The following COLGALT2 variants were observed in gnomAD, a reference collection of about 807,000 sequenced individuals.
COLGALT2 encodes the protein procollagen galactosyltransferase 2.
COLGALT2 carries 49 observed loss-of-function variants against 73.4 expected under a neutral mutation model. The observed-to-expected ratio is 0.67, with a 90% CI of 0.53 to 0.85. The LOEUF (loss-of-function observed/expected upper bound fraction) is 0.85. Ranked by LOEUF, COLGALT2 falls within the 40% of genes least tolerant of loss-of-function variation. The pLI, the probability that COLGALT2 is intolerant of heterozygous loss-of-function variation, is 0.00. For missense variants in COLGALT2, 722 were observed against 790.2 expected, an observed-to-expected ratio of 0.91 and a Z score of 1.03; for synonymous variants, 295 against 307.6, an observed-to-expected ratio of 0.96 and a Z score of 0.43.
At chr1:183,997,048 C>T (rs1412559481) in intron 1 of COLGALT2, among the ~76,000 whole-genome samples, 1 of 152,094 alleles carries the variant, frequency 6.6e-6, no homozygotes, top group Non-Finnish European at 1.5e-5. Context: ...CAGGGGCAGG[C>T]AGTGTAAAAA....
chr1:183,951,118 T>C lies in COLGALT2; in HGVS notation c.1030-5A>G. ...TTTGAGGTTTATCATGAAAATCTAATGCAAGAAGGAAAAGGGAAAAGACAC... is the reference window on the plus strand; with the variant it reads ...TTTGAGGTTTATCATGAAAATCTAACGCAAGAAGGAAAAGGGAAAAGACAC... On this transcript the variant is annotated splice_polypyrimidine_tract_variant and splice_region_variant and intron_variant, in intron 7 of 11. Coordinates refer to ENST00000361927, the MANE Select transcript of COLGALT2 (RefSeq NM_015101.4). The C allele has an allele frequency of 1.2e-6, 2 of 1,603,546 alleles. No individual in the cohort carries two copies. The highest frequency in any genetic ancestry group is 1.7e-6 in the Non-Finnish European group (2 of 1,170,446).
intron 1 of COLGALT2, among the ~76,000 whole-genome samples, chr1:183,990,234 C>T (rs568369898): frequency 6.6e-6 from 1 of 152,338 alleles, no homozygotes; most frequent in African/African-American, 2.4e-5. Flanking sequence ...CTTCTGTTTA[C>T]TCCTCCATTC....
At chr1:184,034,288 T>C (rs1649605131) in intron 1 of COLGALT2, among the ~76,000 whole-genome samples, 1 of 151,934 alleles carries the variant, frequency 6.6e-6, no homozygotes, top group Non-Finnish European at 1.5e-5. Context: ...CTTTTTTTTT[T>C]TTTTTGCTTG....
intron 1 of COLGALT2, among the ~76,000 whole-genome samples, chr1:184,029,882 G>A (rs963671360): frequency 4.6e-5 from 7 of 152,120 alleles, no homozygotes; most frequent in African/African-American, 1.7e-4. Flanking sequence ...TAAAGAACAT[G>A]GGATAGAGAG....
At chr1:183,950,512 T>C (rs1444617345) in intron 8 of COLGALT2, among the ~76,000 whole-genome samples, 1 of 151,182 alleles carries the variant, frequency 6.6e-6, no homozygotes, top group Non-Finnish European at 1.5e-5. Context: ...CTAGGTTCCC[T>C]GTGTTACTTT....
At chr1:183,973,441 T>C (rs1671104021) in intron 4 of COLGALT2, among the ~76,000 whole-genome samples, 175 bp downstream of exon 4, 1 of 152,192 alleles carries the variant, frequency 6.6e-6, no homozygotes, top group Non-Finnish European at 1.5e-5. Context: ...AGAGCCCAAC[T>C]GGGTGTAGCA....
chr1:184,035,863 C>A (rs1217103983), intron 1 of COLGALT2, among the ~76,000 whole-genome samples: 6 of 152,208 alleles, frequency 3.9e-5, no homozygotes, highest in African/African-American at 1.4e-4. Context: ...CAGGCGGTCA[C>A]GTATGGCAGG....
At chr1:183,988,179 C>G (rs4011680) in intron 1 of COLGALT2, among the ~76,000 whole-genome samples, 64,122 of 152,016 alleles carry the variant, frequency 0.42, 17,590 homozygotes, top group African/African-American at 0.77. Flanking sequence ...CAAGATGTAA[C>G]TAATTCTCTC....
chr1:183,949,275 T>C (rs1670331561), intron 8 of COLGALT2, among the ~76,000 whole-genome samples: 2 of 152,084 alleles, frequency 1.3e-5, no homozygotes, highest in African/African-American at 2.4e-5. Flanking sequence ...GGACCCAGAA[T>C]AGCTGAGACA....
In COLGALT2 at chr1:184,037,427, G is replaced by A; in HGVS notation, c.-70C>T. 1 of 1,268,650 alleles carries A rather than the reference G, an allele frequency of 7.9e-7. No homozygotes were observed. The highest frequency in any genetic ancestry group is 9.9e-7 in the Non-Finnish European group (1 of 1,010,674). 78.6% of individuals were successfully genotyped at this position (1,268,650 alleles called of 1,614,324 possible). On this transcript the variant is annotated 5_prime_UTR_variant, in exon 1 of 12. Coordinates refer to ENST00000361927, the MANE Select transcript of COLGALT2 (RefSeq NM_015101.4). ...CCGGCTGGGCTGCCTGAGGGCGGCGGCGGCTGCCGGGGAGCAAGGGGCTGC... is the reference window on the plus strand; with the variant it reads ...CCGGCTGGGCTGCCTGAGGGCGGCGACGGCTGCCGGGGAGCAAGGGGCTGC...
At chr1:183,993,561 AC>A (rs1462179270) in intron 1 of COLGALT2, among the ~76,000 whole-genome samples, 1 of 152,138 alleles carries the variant, frequency 6.6e-6, no homozygotes, top group East Asian at 1.9e-4. Flanking sequence ...CCAAAAAAGG[AC>A]CCAATGACTC....
intron 4 of COLGALT2, among the ~76,000 whole-genome samples, chr1:183,971,568 T>A (rs551785519): frequency 6.6e-6 from 1 of 152,328 alleles, no homozygotes; most frequent in East Asian, 1.9e-4. Context: ...TAAACCAATA[T>A]AATGTTTTCT....
chr1:184,033,088 G>A (rs1186382117), intron 1 of COLGALT2, among the ~76,000 whole-genome samples: 3 of 152,204 alleles, frequency 2.0e-5, no homozygotes, highest in African/African-American at 7.2e-5. Flanking sequence ...AGCAGTTACT[G>A]CCTTGTGCCT....
intron 1 of COLGALT2, among the ~76,000 whole-genome samples, chr1:183,981,087 G>A (rs1455845221): frequency 6.6e-6 from 1 of 152,088 alleles, no homozygotes; most frequent in Non-Finnish European, 1.5e-5. Context: ...AGGGATAAAT[G>A]ACATAGGGAG....
chr1:184,029,492 A>G (rs1452147275), intron 1 of COLGALT2, among the ~76,000 whole-genome samples: 2 of 152,178 alleles, frequency 1.3e-5, no homozygotes, highest in African/African-American at 4.8e-5. Flanking sequence ...ACTAACTGCA[A>G]GTGCACACAG....
intron 1 of COLGALT2, among the ~76,000 whole-genome samples, chr1:184,000,974 C>T (rs996196106): frequency 2.6e-5 from 4 of 151,986 alleles, no homozygotes; most frequent in African/African-American, 4.8e-5. Flanking sequence ...GGACTACAGG[C>T]GCCCGCCACC....
chr1:183,959,138 C>T (rs544036281), intron 6 of COLGALT2, among the ~76,000 whole-genome samples: 13 of 152,238 alleles, frequency 8.5e-5, no homozygotes, highest in South Asian at 2.1e-4. Context: ...ATCTTGGCTC[C>T]GTCTTGAAAC....
At position 184,037,647 on chromosome 1, in the gene COLGALT2, C is replaced by G. The variant is rs575381351; in HGVS notation, c.-290G>C. ...AGTAGTGGCCGAGGGGCTGTGTGCC[C>G]TGAGTCCTGAGGAAAGTTCCTCTAG... On this transcript the variant is annotated 5_prime_UTR_variant, in exon 1 of 12. Coordinates refer to ENST00000361927, the MANE Select transcript of COLGALT2 (RefSeq NM_015101.4). 9 of 1,039,142 alleles carry G rather than the reference C, an allele frequency of 8.7e-6. No homozygotes were observed. The Admixed American group carries it at 3.9e-4, about 45-fold the overall frequency. 64.4% of individuals were successfully genotyped at this position (1,039,142 alleles called of 1,614,324 possible).
chr1:183,961,258 CAAAT>C (rs1157937004), intron 6 of COLGALT2, among the ~76,000 whole-genome samples: 1 of 152,184 alleles, frequency 6.6e-6, no homozygotes, highest in Non-Finnish European at 1.5e-5. Context: ...AGGTTCTTCT[CAAAT>C]GAACTCTACC....
Sources: allele counts gnomAD v4.1 joint callset (sites outside exome capture counted in the v4.1 genomes callset), GRCh38; gene constraint gnomAD v4.1.1; transcripts MANE v1.5; gene names NCBI Gene and HGNC (gene_info 2026-07-23, HGNC 2026-07-21).